The following GPR137B variants were observed in gnomAD, a reference collection of about 807,000 sequenced individuals.
GPR137B encodes integral membrane protein GPR137B.
A neutral mutation model predicts 42.5 loss-of-function variants in GPR137B; 42 were observed. The observed-to-expected ratio is 0.99, with a 90% CI of 0.77 to 1.28. The LOEUF is 1.28. Among genes scored for constraint, GPR137B ranks in the 50% most tolerant of loss-of-function variants. The pLI is 0.00. For missense variants in GPR137B, 487 were observed against 493.9 expected, an observed-to-expected ratio of 0.99 and a Z score of 0.13; for synonymous variants, 218 against 209.7, an observed-to-expected ratio of 1.04 and a Z score of -0.34.
chr1:236,178,216 A>C (rs1662746468), intron 2 of GPR137B, among the ~76,000 whole-genome samples, 198 bp from the exon 3 acceptor site: 1 of 152,214 alleles, frequency 6.6e-6, no homozygotes, highest in Admixed American at 6.5e-5. Context: ...AGTGGGGTTC[A>C]GAGAGGTAAA....
intron 2 of GPR137B, 25 bp from the exon 3 acceptor site, chr1:236,178,389 G>A: frequency 7.0e-7 from 1 of 1,423,318 alleles, no homozygotes; most frequent in Non-Finnish European, 9.9e-7. Context: ...ATGTGCAGCT[G>A]ACAAGTTGCT....
intron 6 of GPR137B, 56 bp from the exon 7 acceptor site, chr1:236,207,992 CTA>C (rs1661641254): frequency 8.1e-7 from 1 of 1,238,522 alleles, no homozygotes; most frequent in African/African-American, 1.5e-5. Flanking sequence ...CTAAACTAGA[CTA>C]TGTCATACAT....
intron 2 of GPR137B, among the ~76,000 whole-genome samples, chr1:236,175,787 A>G (rs888680045): frequency 2.0e-5 from 3 of 152,120 alleles, no homozygotes; most frequent in Non-Finnish European, 4.4e-5. Flanking sequence ...CCATGGCCTC[A>G]AGAGACTGAC....
At chr1:236,152,161 A>T (rs546170527) in intron 1 of GPR137B, among the ~76,000 whole-genome samples, 204 of 151,924 alleles carry the variant, frequency 1.3e-3, no homozygotes, top group Non-Finnish European at 2.2e-3. Flanking sequence ...GTTTTTTTTT[A>T]AATTAAAAAA....
chr1:236,179,902 T>G lies in GPR137B; in HGVS notation c.711T>G (p.Thr237=), dbSNP rs761417076. Residue 237 remains threonine (T), a synonymous_variant, in exon 4 of 7, where the codon ACT becomes ACG. Transcript: ENST00000366592. Reference sequence around the variant, plus strand: ...AGGGCTCCTCCGTGTGTCAAGTGACTGCCATCGGTGTCACCGTGATACTGC... The same window carrying G: ...AGGGCTCCTCCGTGTGTCAAGTGACGGCCATCGGTGTCACCGTGATACTGC... ...ESKGSSVCQV[T]AIGVTVILLY... 1.0e-5 allele frequency: 16 copies of G among 1,594,446 alleles called. No homozygotes were observed. The Admixed American group carries it at 1.6e-4, about 16-fold the overall frequency.
chr1:236,184,949 T>G (rs1336924277), intron 5 of GPR137B, among the ~76,000 whole-genome samples: 1 of 152,078 alleles, frequency 6.6e-6, no homozygotes, highest in East Asian at 1.9e-4. Context: ...GTATTTTTAG[T>G]AGAGACAGGG....
chr1:236,158,483 G>T (rs144258553), intron 1 of GPR137B, among the ~76,000 whole-genome samples: 1 of 152,314 alleles, frequency 6.6e-6, no homozygotes, highest in African/African-American at 2.4e-5. Context: ...AGGATGGAGT[G>T]CTGGGTGCAT....
chr1:236,147,008 C>T (rs2102888250), intron 1 of GPR137B, among the ~76,000 whole-genome samples: 1 of 152,306 alleles, frequency 6.6e-6, no homozygotes, highest in East Asian at 1.9e-4. Context: ...AGGGTTTCAC[C>T]ATCTTGGCCA....
chr1:236,185,956 A>C (rs2102915443), intron 5 of GPR137B, among the ~76,000 whole-genome samples: 1 of 151,704 alleles, frequency 6.6e-6, no homozygotes, highest in Admixed American at 6.6e-5. Flanking sequence ...CCCAGGCATA[A>C]GCCACTATAA....
chr1:236,153,646 G>A (rs980866380), intron 1 of GPR137B, among the ~76,000 whole-genome samples: 2 of 152,184 alleles, frequency 1.3e-5, no homozygotes, highest in African/African-American at 2.4e-5. Flanking sequence ...CTTGAGCAAG[G>A]AAAACAGACT....
chr1:236,197,054 T>A (rs947490306), intron 5 of GPR137B, among the ~76,000 whole-genome samples: 1 of 152,226 alleles, frequency 6.6e-6, no homozygotes, highest in Admixed American at 6.5e-5. Flanking sequence ...GTTATTTTTT[T>A]ATTTCTGAAT....
At chr1:236,186,244 A>AATAATATATAATATATATTATAT (rs1558491353) in intron 5 of GPR137B, among the ~76,000 whole-genome samples, 17 of 38,806 alleles carry the variant, frequency 4.4e-4, no homozygotes, top group African/African-American at 1.6e-3. Context: ...TAATAATATA[A>AATAATATATAATATATATTATAT]ATAATATATA....
At chr1:236,168,825 A>G (rs1662439739) in intron 2 of GPR137B, 70 bp downstream of exon 2, 3 of 1,129,670 alleles carry the variant, frequency 2.7e-6, no homozygotes, top group Non-Finnish European at 2.7e-6. Context: ...TCATCTCTCC[A>G]TTGGGGTTTG....
intron 5 of GPR137B, among the ~76,000 whole-genome samples, chr1:236,191,353 A>G (rs1663187632): frequency 6.6e-6 from 1 of 152,122 alleles, no homozygotes; most frequent in Admixed American, 6.5e-5. Flanking sequence ...CAGTTCATCA[A>G]ACTCATTCTC....
chr1:236,168,022 TTTG>T (rs1412900193), intron 1 of GPR137B, among the ~76,000 whole-genome samples: 1 of 152,204 alleles, frequency 6.6e-6, no homozygotes, highest in African/African-American at 2.4e-5. Flanking sequence ...CCAAAGATGT[TTTG>T]TTATTTTAAA....
Position 236,156,597 on chromosome 1 carries a change from A to C in GPR137B, c.415-12109A>C, listed in dbSNP as rs894508972. Among the ~76,000 whole-genome samples, 1 of 152,088 alleles carries C rather than the reference A, an allele frequency of 6.6e-6. No individual in the cohort carries two copies. The highest frequency in any genetic ancestry group is 2.4e-5 in the African/African-American group (1 of 41,408). On this transcript the variant is annotated intron_variant, in intron 1 of 6. Coordinates refer to ENST00000366592, the MANE Select transcript of GPR137B (RefSeq NM_003272.4). This position sits in a 1 kb window ranked among gnomAD's most constrained non-coding sequence, Gnocchi z 4.8. ...CTTGGAGACTGAGCCTCAAATGCAG[A>C]TCCCCTCCCCGCCGCAGAGCCGCCT...
At position 236,205,156 on chromosome 1, in the gene GPR137B, T is replaced by G. The variant is rs763295179; in HGVS notation, c.997T>G (p.Phe333Val). Residue 333 changes from phenylalanine to valine, a missense_variant, in exon 6 of 7, where the codon TTC becomes GTC. By Grantham distance (50) the Phe-to-Val change is conservative. Coordinates refer to ENST00000366592, the MANE Select transcript of GPR137B (RefSeq NM_003272.4). ...TNPGMVPSHG[F>V]SPRSYFFDNP... is the part of the protein sequence containing the mutation. ...CCCTGGAATGGTCCCCAGCCATGGA[T>G]TCAGTCCCAGATCTTATTTCTTTGA... is the stretch of plus-strand genomic sequence containing the variant. 1.2e-6 allele frequency: 2 copies of G among 1,613,050 alleles called. No homozygotes were observed. Among genetic ancestry groups the G allele is most frequent in the African/African-American group, 2.7e-5 (2 of 74,904 alleles).
In GPR137B at chr1:236,183,870, T is replaced by G. The variant is rs1662950702; in HGVS notation, c.930T>G (p.Val310=). 1 of 1,609,034 alleles carries G rather than the reference T, an allele frequency of 6.2e-7. No homozygotes were observed. Among genetic ancestry groups the G allele is most frequent in the Non-Finnish European group, 8.5e-7 (1 of 1,175,674 alleles). The change falls in exon 5 of 7, where the codon GTT becomes GTG. Residue 310 remains valine (V), a synonymous_variant. Coordinates refer to ENST00000366592, the MANE Select transcript of GPR137B (RefSeq NM_003272.4). ...VWELLPTTLV[V]YFFRVRNPTK... is the part of the protein sequence containing the mutation. ...AACTCTTACCTACCACCTTAGTCGTTTATTTCTTCCGAGTTAGAAATCCTA... is the reference window on the plus strand; with the variant it reads ...AACTCTTACCTACCACCTTAGTCGTGTATTTCTTCCGAGTTAGAAATCCTA...
At chr1:236,197,744 C>T (rs1350083923) in intron 5 of GPR137B, among the ~76,000 whole-genome samples, 2 of 151,992 alleles carry the variant, frequency 1.3e-5, no homozygotes, top group African/African-American at 2.4e-5. Flanking sequence ...CATTGGGGTA[C>T]CTGCCTCACT....
Sources: allele counts gnomAD v4.1 joint callset (sites outside exome capture counted in the v4.1 genomes callset), GRCh38; gene constraint gnomAD v4.1.1; non-coding constraint Gnocchi (gnomAD v3.1); transcripts MANE v1.5; gene names NCBI Gene and HGNC (gene_info 2026-07-23, HGNC 2026-07-21).